The following ZNF285 variants were observed in gnomAD, a reference collection of about 807,000 sequenced individuals.
The protein encoded by ZNF285 is zinc finger protein 285A.
Under a neutral mutation model 6.2 loss-of-function variants are expected in ZNF285, and 4 were observed. The observed-to-expected ratio is 0.65, with a 90% CI of 0.32 to 1.49. The LOEUF (loss-of-function observed/expected upper bound fraction) is 1.49, where lower values mean the gene tolerates loss of function less well. ZNF285 is among the 40% of genes most tolerant of loss of function. The pLI, the probability that ZNF285 is intolerant of heterozygous loss-of-function variation, is 0.07. For synonymous variants in ZNF285, 240 were observed against 245.8 expected (o/e 0.98, Z 0.22); for missense variants, 695 against 708.8 (o/e 0.98, Z 0.22).
chr19:44,387,098 G>C lies in ZNF285; in HGVS notation c.1147C>G (p.Gln383Glu), dbSNP rs760220764. The C allele has an allele frequency of 6.2e-7, 1 of 1,614,112 alleles. No individual in the cohort carries two copies. Among genetic ancestry groups the C allele is most frequent in the Admixed American group, 1.7e-5 (1 of 60,002 alleles). The part of the protein sequence containing the change: ...KCEECGKGFD[Q>E]SSNLLVHQRV... ...TGATGGACAAGAAGGTTGGAGCTCT[G>C]ATCAAAGCCCTTCCCACACTCTTCA... Residue 383 changes from glutamine to glutamate, a missense_variant, in exon 4 of 4, where the codon CAG (glutamine) becomes GAG (glutamate). Coordinates refer to ENST00000614994, the MANE Select transcript of ZNF285 (RefSeq NM_152354.6).
In ZNF285 at chr19:44,386,357, GA is replaced by G; in HGVS notation, c.*114del. ...TTCAGTGCTGCAGGCTGACATTATC[GA>G]TGGCAGTGTCCCTGTCTTTTGCTCC... On this transcript the variant is annotated 3_prime_UTR_variant, in exon 4 of 4. Transcript: ENST00000614994. The G allele has an allele frequency of 9.0e-7, 1 of 1,116,280 alleles. No homozygotes were observed. The highest frequency in any genetic ancestry group is 2.6e-5 in the East Asian group (1 of 39,028). The allele number at this position is 1,116,280 out of a possible 1,614,324, so 69.1% of individuals were successfully genotyped here.
At chr19:44,395,476 T>A (rs1393076944) in intron 2 of ZNF285, among the ~76,000 whole-genome samples, 1 of 152,194 alleles carries the variant, frequency 6.6e-6, no homozygotes, top group Non-Finnish European at 1.5e-5. Context: ...AACTGTATGA[T>A]AGTATAGACC....
chr19:44,393,517 T>C (rs550907134), intron 2 of ZNF285, among the ~76,000 whole-genome samples: 4 of 152,276 alleles, frequency 2.6e-5, no homozygotes, highest in Non-Finnish European at 4.4e-5. Context: ...TTATAGATTC[T>C]GGATATTAGC....
intron 2 of ZNF285, among the ~76,000 whole-genome samples, chr19:44,395,526 T>C (rs2571127): frequency 5.3e-5 from 8 of 151,866 alleles, no homozygotes; most frequent in Non-Finnish European, 1.2e-4. Context: ...TGTTAAAAAA[T>C]TTTTTGAGAT....
chr19:44,390,825 T>C (rs945887026), intron 3 of ZNF285, among the ~76,000 whole-genome samples: 4 of 151,986 alleles, frequency 2.6e-5, no homozygotes, highest in Non-Finnish European at 5.9e-5. Flanking sequence ...TTTCTCATGA[T>C]AGTGAATGAG....
chr19:44,386,447 C>T lies in ZNF285; in HGVS notation c.*25G>A, dbSNP rs1971071236. ...GGAATACAGTGTGGCTTCTGTTTTA[C>T]TAATTGAACCCTGACTTACTACATT... is the stretch of plus-strand genomic sequence containing the variant. On this transcript the variant is annotated 3_prime_UTR_variant, in exon 4 of 4. Coordinates refer to ENST00000614994, the MANE Select transcript of ZNF285 (RefSeq NM_152354.6). 6.3e-7 allele frequency: 1 copy of T among 1,594,974 alleles called. No homozygotes were observed. The highest frequency in any genetic ancestry group is 8.6e-7 in the Non-Finnish European group (1 of 1,168,976).
rs574632496 is a variant in ZNF285, at chr19:44,396,816, G to T, written c.15+383C>A. On this transcript the variant is annotated intron_variant, in intron 2 of 3. Transcript: ENST00000614994. ...ATTCAAATCTTGCTACTTATTGAAT[G>T]AGGCCAGTCACATTTAGAGTATGGT... 5.1e-3 allele frequency: 1,092 copies of T among 213,464 alleles called. 15 individuals carry two copies. Among genetic ancestry groups the T allele is most frequent in the African/African-American group, 0.023 (990 of 43,638 alleles). 13.2% of individuals were successfully genotyped at this position (213,464 alleles called of 1,614,324 possible). A position where few individuals can be genotyped will look rare whatever the true frequency, so the allele number is the denominator to read the frequency against.
chr19:44,389,308 C>A (rs963205681), intron 3 of ZNF285, among the ~76,000 whole-genome samples: 5 of 152,096 alleles, frequency 3.3e-5, no homozygotes, highest in African/African-American at 1.2e-4. Flanking sequence ...GCATGAATAT[C>A]ATGGTCAAGT....
In ZNF285 at chr19:44,384,083, C is replaced by T. The variant is rs1321275219; in HGVS notation, c.*2389G>A. The T allele has an allele frequency of 6.6e-6, 1 of 152,134 alleles. No individual in the cohort carries two copies. The highest frequency in any genetic ancestry group is 6.5e-5 in the Admixed American group (1 of 15,276). The allele number at this position is 152,134 out of a possible 1,614,324, so 9.4% of individuals were successfully genotyped here. A position where few individuals can be genotyped will look rare whatever the true frequency, so the allele number is the denominator to read the frequency against. On this transcript the variant is annotated 3_prime_UTR_variant, in exon 4 of 4. Coordinates refer to ENST00000614994, the MANE Select transcript of ZNF285 (RefSeq NM_152354.6). ...TGTGTATCCCGGATTTTTTCTCTAA[C>T]TTAATGTTTGCAAGTAGGAGTACTG... is the stretch of plus-strand genomic sequence containing the variant.
chr19:44,392,132 T>G (rs1323550360), intron 3 of ZNF285: 1 of 1,410,264 alleles, frequency 7.1e-7, no homozygotes. Context: ...GGTATGAGAT[T>G]TGGGGAGAGC....
In ZNF285 at chr19:44,392,702, G is replaced by A. The variant is rs1195817993; in HGVS notation, c.16-236C>T. On this transcript the variant is annotated intron_variant, in intron 2 of 3. Coordinates refer to ENST00000614994, the MANE Select transcript of ZNF285 (RefSeq NM_152354.6). ...CTCACTGTGTCCTTACATGGCAGAG[G>A]GAGAATGAGAGCAAGCTCTGTTGAG... The A allele has an allele frequency of 4.1e-6, 3 of 735,534 alleles. No individual in the cohort carries two copies. In the African/African-American group the frequency reaches 5.2e-5, roughly 13 times the overall value. The allele number at this position is 735,534 out of a possible 1,614,324, so 45.6% of individuals were successfully genotyped here. A position where few individuals can be genotyped will look rare whatever the true frequency, so the allele number is the denominator to read the frequency against.
At chr19:44,396,255 GTTAA>G (rs1190470589) in intron 2 of ZNF285, among the ~76,000 whole-genome samples, 1 of 152,136 alleles carries the variant, frequency 6.6e-6, no homozygotes, top group Non-Finnish European at 1.5e-5. Context: ...TTGGCAAAAA[GTTAA>G]TTGTTGAAAC....
chr19:44,391,086 G>A (rs1971186954), intron 3 of ZNF285, among the ~76,000 whole-genome samples: 4 of 151,458 alleles, frequency 2.6e-5, no homozygotes, highest in African/African-American at 9.7e-5. Context: ...CTTGGGAGGT[G>A]GAGGTTGCAG....
rs1190467719 is a variant in ZNF285, at chr19:44,387,490, C to T, written c.755G>A (p.Ser252Asn). The T allele has an allele frequency of 6.2e-7, 1 of 1,613,894 alleles. No individual in the cohort carries two copies. The highest frequency in any genetic ancestry group is 2.2e-5 in the East Asian group (1 of 44,896). ...ADDTDPHVHH[S>N]THLGEKSYKC... Reference sequence around the variant, plus strand: ...ATAAGATTTTTCTCCTAGGTGAGTGCTGTGATGGACATGAGGATCTGTATC... The same window carrying T: ...ATAAGATTTTTCTCCTAGGTGAGTGTTGTGATGGACATGAGGATCTGTATC... Residue 252 changes from serine (S) to asparagine (N), a missense_variant, in exon 4 of 4, where the codon AGC becomes AAC. Ser to Asn is a conservative substitution (Grantham distance 46, BLOSUM62 1). Coordinates refer to ENST00000614994, the MANE Select transcript of ZNF285 (RefSeq NM_152354.6).
chr19:44,395,423 G>C (rs982479831), intron 2 of ZNF285, among the ~76,000 whole-genome samples: 8 of 152,054 alleles, frequency 5.3e-5, no homozygotes, highest in African/African-American at 1.9e-4. Context: ...AAGTAGAGGG[G>C]CAGATTTCTC....
At position 44,387,657 on chromosome 19, in the gene ZNF285, T is replaced by G. The variant is rs752599169; in HGVS notation, c.588A>C (p.Gln196His). 5.0e-6 allele frequency: 8 copies of G among 1,613,810 alleles called. No homozygotes were observed. The highest frequency in any genetic ancestry group is 6.8e-6 in the Non-Finnish European group (8 of 1,179,858). Residue 196 changes from glutamine (Q) to histidine (H), a missense_variant, in exon 4 of 4, where the codon CAA becomes CAC. By Grantham distance (24) the Gln-to-His change is conservative (BLOSUM62 0). Transcript: ENST00000614994. ...SWTSCDHHES[Q>H]ECKGEDPGRH... ...TACCAGGGTCCTCTCCTTTACATTC[T>G]TGGGACTCATGATGATCACATGAGG...
intron 2 of ZNF285, among the ~76,000 whole-genome samples, chr19:44,393,953 A>T (rs1971237987): frequency 6.6e-6 from 1 of 152,130 alleles, no homozygotes; most frequent in African/African-American, 2.4e-5. Flanking sequence ...ATAAATACAC[A>T]TGCACACGTA....
chr19:44,389,049 C>T (rs574268146), intron 3 of ZNF285, among the ~76,000 whole-genome samples: 1 of 148,506 alleles, frequency 6.7e-6, no homozygotes, highest in East Asian at 1.9e-4. Flanking sequence ...TTTTTATTTT[C>T]CCCAAGGTTC....
rs763751158 is a variant in ZNF285 at position 44,387,726 on chromosome 19, C to T, written c.519G>A (p.Glu173=). The T allele has an allele frequency of 1.4e-5, 23 of 1,613,760 alleles. No homozygotes were observed. The East Asian group carries it at 3.1e-4, about 22-fold the overall frequency. ...QGRYKGIYME[E]KLYRRAQHDD... ...CATGCTGAGCACGTCTGTACAATTTCTCTTCCATGTAAATTCCCTTATATC... is the reference window on the plus strand; with the variant it reads ...CATGCTGAGCACGTCTGTACAATTTTTCTTCCATGTAAATTCCCTTATATC... Residue 173 remains glutamate, a synonymous_variant, in exon 4 of 4, where the codon GAG becomes GAA. Transcript: ENST00000614994.
Sources: allele counts gnomAD v4.1 joint callset (sites outside exome capture counted in the v4.1 genomes callset), GRCh38; gene constraint gnomAD v4.1.1; transcripts MANE v1.5; gene names NCBI Gene and HGNC (gene_info 2026-07-23, HGNC 2026-07-21).